ZCCHC24: variants seen among roughly 807,000 people sequenced by gnomAD.
The protein encoded by ZCCHC24 is zinc finger CCHC-type containing 24.
Under a neutral mutation model 26.2 loss-of-function variants are expected in ZCCHC24, and 10 were observed. That is an observed-to-expected ratio of 0.38 (90% CI 0.24 to 0.65). The LOEUF (loss-of-function observed/expected upper bound fraction) is 0.65, where lower values mean the gene tolerates loss of function less well. Among genes scored for constraint, ZCCHC24 ranks in the 30% least tolerant of loss-of-function variants. The pLI, the probability that ZCCHC24 is intolerant of heterozygous loss-of-function variation, is 0.54. For synonymous variants in ZCCHC24, 144 were observed against 147.1 expected (o/e 0.98, Z 0.15); for missense variants, 243 against 329.1 (o/e 0.74, Z 2.03).
At position 79,429,863 on chromosome 10, in the gene ZCCHC24, C is replaced by T. The variant is rs1035291511; in HGVS notation, c.447+2695G>A. Among the ~76,000 whole-genome samples the T allele has an allele frequency of 2.6e-5, 4 of 152,246 alleles. No individual in the cohort carries two copies. The South Asian group carries it at 8.3e-4, about 32-fold the overall frequency. The stretch of plus-strand genomic sequence containing the variant: ...TGTGGTTTATAAAAGCCCTGTCAAC[C>T]CGTTCCTCCCTTCAGGGAGCCTTGC... On this transcript the variant is annotated intron_variant, in intron 2 of 3. Transcript: ENST00000372336.
chr10:79,416,909 G>A (rs1856869588), intron 2 of ZCCHC24, among the ~76,000 whole-genome samples: 1 of 152,186 alleles, frequency 6.6e-6, no homozygotes, highest in Non-Finnish European at 1.5e-5. Context: ...AGCGCTCCCT[G>A]TGCGTGTAGC....
At chr10:79,407,612 A>G (rs1856736783) in intron 2 of ZCCHC24, among the ~76,000 whole-genome samples, 1 of 152,174 alleles carries the variant, frequency 6.6e-6, no homozygotes, top group African/African-American at 2.4e-5. Context: ...CCACCGCCCC[A>G]GTGATCCTGG....
Position 79,408,473 on chromosome 10 carries a change from C to T in ZCCHC24, c.448-14033G>A, listed in dbSNP as rs546199610. ...GAAGGCTTTGGAGCACCAATCACCA[C>T]GTGCATTTACTTCCTTTCCACATGT... On this transcript the variant is annotated intron_variant, in intron 2 of 3. Transcript: ENST00000372336. Among the ~76,000 whole-genome samples, 21 of 152,288 alleles carry T rather than the reference C, an allele frequency of 1.4e-4. No homozygotes were observed. The South Asian group carries it at 2.3e-3, about 17-fold the overall frequency.
At chr10:79,432,835 A>G (rs1194745794) in intron 1 of ZCCHC24, 77 bp from the exon 2 acceptor site, 2 of 1,473,316 alleles carry the variant, frequency 1.4e-6, no homozygotes, top group African/African-American at 1.4e-5. Flanking sequence ...AAACACACGC[A>G]TGGATTCACA....
intron 2 of ZCCHC24, among the ~76,000 whole-genome samples, chr10:79,407,498 G>T (rs996110274): frequency 1.3e-5 from 2 of 152,236 alleles, no homozygotes; most frequent in Non-Finnish European, 2.9e-5. Flanking sequence ...TGCTGCCCTG[G>T]CCCCAGAGTC....
At chr10:79,444,568 G>A (rs1857335251) in intron 1 of ZCCHC24, among the ~76,000 whole-genome samples, 1 of 152,074 alleles carries the variant, frequency 6.6e-6, no homozygotes, top group Non-Finnish European at 1.5e-5. Flanking sequence ...AGTCTGTGGG[G>A]TCAAGCCCTC....
At chr10:79,428,478 G>GTTTT (rs150451596) in intron 2 of ZCCHC24, among the ~76,000 whole-genome samples, 4 of 76,022 alleles carry the variant, frequency 5.3e-5, no homozygotes, top group Non-Finnish European at 5.8e-5. Context: ...ATAAATTTCA[G>GTTTT]TTTTGCAAGA....
intron 3 of ZCCHC24, among the ~76,000 whole-genome samples, chr10:79,388,155 T>G (rs1033691811): frequency 6.6e-6 from 1 of 152,200 alleles, no homozygotes; most frequent in Non-Finnish European, 1.5e-5. Context: ...ACAGGGATGC[T>G]GATAACAGCT....
chr10:79,428,725 A>C (rs976780839), intron 2 of ZCCHC24, among the ~76,000 whole-genome samples: 1 of 152,214 alleles, frequency 6.6e-6, no homozygotes, highest in African/African-American at 2.4e-5. Context: ...ATAATTGACA[A>C]AACTTTAGGT....
At chr10:79,419,186 A>C (rs893802264) in intron 2 of ZCCHC24, among the ~76,000 whole-genome samples, 3 of 152,186 alleles carry the variant, frequency 2.0e-5, no homozygotes, top group Non-Finnish European at 4.4e-5. Context: ...CATCAGGTAC[A>C]TGAGCCTCAC....
intron 2 of ZCCHC24, among the ~76,000 whole-genome samples, chr10:79,430,686 C>CCACACACACACACA (rs71030975): frequency 8.5e-5 from 12 of 140,606 alleles, no homozygotes; most frequent in Admixed American, 3.5e-4. Context: ...CACACACACA[C>CCACACACACACACA]CACACACACA....
intron 2 of ZCCHC24, among the ~76,000 whole-genome samples, chr10:79,419,340 G>T (rs544985614): frequency 6.6e-6 from 1 of 152,326 alleles, no homozygotes; most frequent in East Asian, 1.9e-4. Context: ...CTGCAAGGAT[G>T]GTGAACCCAT....
chr10:79,403,550 G>A lies in ZCCHC24; in HGVS notation c.448-9110C>T, dbSNP rs531305143. Reference sequence around the variant, plus strand: ...GTCAGAGGGACAGGTGGGCTGGGCCGCGGCCTGCAGGATGCTGGGAGGGAG... The same window carrying A: ...GTCAGAGGGACAGGTGGGCTGGGCCACGGCCTGCAGGATGCTGGGAGGGAG... On this transcript the variant is annotated intron_variant, in intron 2 of 3. Coordinates refer to ENST00000372336, the MANE Select transcript of ZCCHC24 (RefSeq NM_153367.4). 305 of 985,428 alleles carry A rather than the reference G, an allele frequency of 3.1e-4. 1 individual carries two copies. In the African/African-American group the frequency reaches 5.0e-3, roughly 16 times the overall value. 61.0% of individuals were successfully genotyped at this position (985,428 alleles called of 1,614,324 possible). A position where few individuals can be genotyped will look rare whatever the true frequency, so the allele number is the denominator to read the frequency against.
chr10:79,432,824 C>G (rs532526180), intron 1 of ZCCHC24, 66 bp from the exon 2 acceptor site: 32 of 1,509,216 alleles, frequency 2.1e-5, no homozygotes, highest in Non-Finnish European at 8.9e-7. Flanking sequence ...ACCCCCCACC[C>G]AAACACACGC....
chr10:79,445,232 C>T lies in ZCCHC24; in HGVS notation c.209G>A (p.Ser70Asn). The part of the protein sequence containing the change: ...PEQLGSPLHS[S>N]YLNSFFQLQR... Reference sequence around the variant, plus strand: ...CAGCTGGAAGAAGCTGTTGAGATAGCTGGAGTGCAGGGGCGAGCCCAGCTG... The same window carrying T: ...CAGCTGGAAGAAGCTGTTGAGATAGTTGGAGTGCAGGGGCGAGCCCAGCTG... Residue 70 changes from serine (S) to asparagine (N), a missense_variant, in exon 1 of 4, where the codon AGC becomes AAC. Ser to Asn is a conservative substitution (Grantham distance 46). This residue lies in a region of ZCCHC24 where 147 missense variants were observed against 150.8 expected (regional missense o/e 0.97). Coordinates refer to ENST00000372336, the MANE Select transcript of ZCCHC24 (RefSeq NM_153367.4). The T allele has an allele frequency of 7.4e-7, 1 of 1,356,154 alleles. No homozygotes were observed. Among genetic ancestry groups the T allele is most frequent in the Non-Finnish European group, 9.5e-7 (1 of 1,048,196 alleles). The allele number at this position is 1,356,154 out of a possible 1,614,324, so 84.0% of individuals were successfully genotyped here. A position where few individuals can be genotyped will look rare whatever the true frequency, so the allele number is the denominator to read the frequency against.
intron 2 of ZCCHC24, among the ~76,000 whole-genome samples, chr10:79,425,980 G>T (rs1857021853): frequency 6.6e-6 from 1 of 152,208 alleles, no homozygotes; most frequent in South Asian, 2.1e-4. Flanking sequence ...ACCCCACAAG[G>T]ATGGACTGCC....
chr10:79,421,669 C>T (rs1164821416), intron 2 of ZCCHC24, among the ~76,000 whole-genome samples: 1 of 152,048 alleles, frequency 6.6e-6, no homozygotes, highest in African/African-American at 2.4e-5. Context: ...TCTTGTTGCC[C>T]AGGCTGGAGT....
chr10:79,428,136 T>C (rs1427224920), intron 2 of ZCCHC24, among the ~76,000 whole-genome samples: 2 of 152,150 alleles, frequency 1.3e-5, no homozygotes, highest in Non-Finnish European at 2.9e-5. Flanking sequence ...CATTGATGGG[T>C]GAACTGATTT....
intron 2 of ZCCHC24, among the ~76,000 whole-genome samples, chr10:79,424,564 C>A (rs538153667): frequency 6.6e-6 from 1 of 152,188 alleles, no homozygotes; most frequent in South Asian, 2.1e-4. Context: ...CAGTCCCTAT[C>A]CATGTTCAGG....
Sources: allele counts gnomAD v4.1 joint callset (sites outside exome capture counted in the v4.1 genomes callset), GRCh38; gene constraint gnomAD v4.1.1; regional missense constraint gnomAD v4.1.1; transcripts MANE v1.5; gene names NCBI Gene and HGNC (gene_info 2026-07-23, HGNC 2026-07-21).